Variants in EHMT2 observed in about 807,000 individuals in gnomAD.
EHMT2 encodes the protein euchromatic histone lysine methyltransferase 2, also known as histone-lysine N-methyltransferase EHMT2.
Under a neutral mutation model 143.3 loss-of-function variants are expected in EHMT2, and 59 were observed. That is an observed-to-expected ratio of 0.41 (90% CI 0.33 to 0.51). The LOEUF is 0.51. EHMT2 is among the 20% of genes least tolerant of loss of function. The pLI, the probability that EHMT2 is intolerant of heterozygous loss-of-function variation, is 0.18. For synonymous variants in EHMT2, 604 were observed against 651.5 expected (o/e 0.93, Z 1.11); for missense variants, 1,174 against 1,645.9 (o/e 0.71, Z 4.96).
chr6:31,896,093 G>A (rs971400596), intron 4 of EHMT2, 170 bp downstream of exon 4: 5 of 879,780 alleles, frequency 5.7e-6, no homozygotes, highest in African/African-American at 3.4e-5. Flanking sequence ...TGCAGGAAGA[G>A]AGGAACCTGT....
chr6:31,892,662 C>G, intron 6 of EHMT2, 32 bp downstream of exon 6: 2 of 1,613,018 alleles, frequency 1.2e-6, no homozygotes, highest in Non-Finnish European at 1.7e-6. Context: ...GAGCAGCCCC[C>G]GAGGGGTAGA....
Position 31,892,688 on chromosome 6 carries a change from G to T in EHMT2, c.708+6C>A, listed in dbSNP as rs1389184848. On this transcript the variant is annotated splice_donor_region_variant and intron_variant, in intron 6 of 27. Coordinates refer to ENST00000375537, the Ensembl canonical transcript of EHMT2. ...GAGGGGTAGAGGCTCTGCCTCTGCTGCTTACCAGGCCACCTCCTGAGTTCA... is the reference window on the plus strand; with the variant it reads ...GAGGGGTAGAGGCTCTGCCTCTGCTTCTTACCAGGCCACCTCCTGAGTTCA... 6 of 1,613,120 alleles carry T rather than the reference G, an allele frequency of 3.7e-6. No homozygotes were observed. The South Asian group carries it at 6.6e-5, about 18-fold the overall frequency.
chr6:31,890,301 G>A (rs915801637), intron 7 of EHMT2, among the ~76,000 whole-genome samples: 1 of 152,002 alleles, frequency 6.6e-6, no homozygotes, highest in African/African-American at 2.4e-5. Flanking sequence ...TTGTTGCCCA[G>A]GCTGCATTGC....
chr6:31,885,812 T>C (rs1166681884), intron 18 of EHMT2: 1 of 151,976 alleles, frequency 6.6e-6, no homozygotes, highest in African/African-American at 2.4e-5. Flanking sequence ...CAATAAACAC[T>C]CCTAGGAACA....
chr6:31,889,522 CTCCTCT>C lies in EHMT2; in HGVS notation c.939_944del (p.Glu322_Glu323del), dbSNP rs772439395. On this transcript the variant is annotated inframe_deletion, in exon 8 of 28. Transcript: ENST00000375537. This position sits in a 1 kb window ranked among gnomAD's most constrained non-coding sequence, Gnocchi z 5.1. ...CTTCCTCTTCTTCTTCCTCTTCCTC[CTCCTCT>C]TCCTCTTCTTCTTCTTCCTCCTCTT... 99 of 1,611,850 alleles carry C rather than the reference CTCCTCT, an allele frequency of 6.1e-5. No homozygotes were observed. The highest frequency in any genetic ancestry group is 7.9e-5 in the Non-Finnish European group (93 of 1,179,538).
At chr6:31,891,704 CCAGA>C (rs1021519126) in intron 7 of EHMT2, among the ~76,000 whole-genome samples, 1 of 152,126 alleles carries the variant, frequency 6.6e-6, no homozygotes, top group Admixed American at 6.5e-5. Flanking sequence ...TAAGATAAAA[CCAGA>C]CAAAGAGCAA....
chr6:31,881,272 A>C lies in EHMT2; in HGVS notation c.3198-180T>G, dbSNP rs1764069141. 3 of 653,070 alleles carry C rather than the reference A, an allele frequency of 4.6e-6. No individual in the cohort carries two copies. In the East Asian group the frequency reaches 8.1e-5, roughly 18 times the overall value. 40.5% of individuals were successfully genotyped at this position (653,070 alleles called of 1,614,324 possible). ...GAAAGGGCAGCATTCCAGCCTTGAC[A>C]GAGGAAGCCTTCAGTCAGCACAGAG... On this transcript the variant is annotated intron_variant, in intron 25 of 27. Coordinates refer to ENST00000375537, the Ensembl canonical transcript of EHMT2. This position sits in a 1 kb window ranked among gnomAD's most constrained non-coding sequence, Gnocchi z 4.8.
intron 4 of EHMT2, chr6:31,893,362 C>G (rs982595349): frequency 2.2e-6 from 1 of 449,346 alleles, no homozygotes; most frequent in East Asian, 7.1e-5. Context: ...ATTCTGTTAC[C>G]CAGGATGGAG....
At position 31,889,081 on chromosome 6, in the gene EHMT2, G is replaced by A. The variant is rs1206911046; in HGVS notation, c.1115-11C>T. 3 of 1,596,042 alleles carry A rather than the reference G, an allele frequency of 1.9e-6. No individual in the cohort carries two copies. The highest frequency in any genetic ancestry group is 1.3e-5 in the African/African-American group (1 of 74,800). Reference sequence around the variant, plus strand: ...CCACACCATTCACTCCTGACACAGAGACAGAGAGAGTGAGAGTGCGAGCTC... The same window carrying A: ...CCACACCATTCACTCCTGACACAGAAACAGAGAGAGTGAGAGTGCGAGCTC... On this transcript the variant is annotated splice_polypyrimidine_tract_variant and intron_variant, in intron 9 of 27. Transcript: ENST00000375537. The surrounding 1 kb of genome is among the most constrained non-coding windows in gnomAD (Gnocchi z 5.1).
chr6:31,880,024 G>T lies in EHMT2; in HGVS notation c.*60C>A, dbSNP rs1763890402. ...CAGGCATGGGCTGCGAGCAGCTGGT[G>T]GCAGAGGAGGCGGCTGAGCTGTGGC... On this transcript the variant is annotated 3_prime_UTR_variant, in exon 28 of 28. Transcript: ENST00000375537. The surrounding 1 kb of genome is among the most constrained non-coding windows in gnomAD (Gnocchi z 6.6). 1 of 1,568,794 alleles carries T rather than the reference G, an allele frequency of 6.4e-7. No homozygotes were observed.
At position 31,894,851 on chromosome 6, in the gene EHMT2, A is replaced by C. The variant is rs1407818516; in HGVS notation, c.582+1412T>G. Among the ~76,000 whole-genome samples, 5 of 148,280 alleles carry C rather than the reference A, an allele frequency of 3.4e-5. No individual in the cohort carries two copies. In the East Asian group the frequency reaches 1.0e-3, roughly 31 times the overall value. On this transcript the variant is annotated intron_variant, in intron 4 of 27. Coordinates refer to ENST00000375537, the Ensembl canonical transcript of EHMT2. ...TATTTTAGTTAGAGACGGGGTTTGG[A>C]CATGTTTACCAGGCTGGTCTCGAAC... is the stretch of plus-strand genomic sequence containing the variant.
In EHMT2 at chr6:31,880,499, G is replaced by T; in HGVS notation, c.3452+174C>A. ...AAGCCTACTGATTCAAAATCTCTCT[G>T]GGAGGCACAGGACTGTTTCCCCAAG... On this transcript the variant is annotated intron_variant, in intron 27 of 27. Coordinates refer to ENST00000375537, the Ensembl canonical transcript of EHMT2. The surrounding 1 kb of genome is among the most constrained non-coding windows in gnomAD (Gnocchi z 6.6). The T allele has an allele frequency of 1.2e-6, 1 of 852,372 alleles. No individual in the cohort carries two copies. The highest frequency in any genetic ancestry group is 1.8e-6 in the Non-Finnish European group (1 of 565,828). 52.8% of individuals were successfully genotyped at this position (852,372 alleles called of 1,614,324 possible). A position where few individuals can be genotyped will look rare whatever the true frequency, so the allele number is the denominator to read the frequency against.
At position 31,884,278 on chromosome 6, in the gene EHMT2, A is replaced by T; in HGVS notation, c.2771+114T>A. On this transcript the variant is annotated intron_variant, in intron 21 of 27. Transcript: ENST00000375537. This position sits in a 1 kb window ranked among gnomAD's most constrained non-coding sequence, Gnocchi z 7.3. The stretch of plus-strand genomic sequence containing the variant: ...AGGGGGCCTGTGGGTGGTTCTGGGG[A>T]TTCAGTGGTGCATGGGGAGGGGTTG... The T allele has an allele frequency of 1.6e-6, 2 of 1,235,226 alleles. No homozygotes were observed. The highest frequency in any genetic ancestry group is 2.2e-6 in the Non-Finnish European group (2 of 912,622). The allele number at this position is 1,235,226 out of a possible 1,614,324, so 76.5% of individuals were successfully genotyped here.
rs1000872135 is a variant in EHMT2 at position 31,881,515 on chromosome 6, A to G, written c.3198-423T>C. On this transcript the variant is annotated intron_variant, in intron 25 of 27. Coordinates refer to ENST00000375537, the Ensembl canonical transcript of EHMT2. The surrounding 1 kb of genome is among the most constrained non-coding windows in gnomAD (Gnocchi z 4.8). ...TGATTCGGGGCAAGAGCACCCACAC[A>G]TATCTGGACACCAGAGGGAGGAGAG... 1.1e-5 allele frequency: 3 copies of G among 261,044 alleles called. No homozygotes were observed. Among genetic ancestry groups the G allele is most frequent in the African/African-American group, 4.3e-5 (2 of 46,206 alleles). 16.2% of individuals were successfully genotyped at this position (261,044 alleles called of 1,614,324 possible). A position where few individuals can be genotyped will look rare whatever the true frequency, so the allele number is the denominator to read the frequency against.
Position 31,883,805 on chromosome 6 carries a change from C to T in EHMT2, c.2916+1G>A. ...GGGGAGGCCCCGGGCCCCCTACTCA[C>T]CTGCAGGTGGGTGATGTTGCGATCG... is the stretch of plus-strand genomic sequence containing the variant. On this transcript the variant is annotated splice_donor_variant, in intron 22 of 27. Coordinates refer to ENST00000375537, the Ensembl canonical transcript of EHMT2. LOFTEE classifies it high-confidence loss of function. The surrounding 1 kb of genome is among the most constrained non-coding windows in gnomAD (Gnocchi z 5.6). The T allele has an allele frequency of 6.2e-7, 1 of 1,613,682 alleles. No homozygotes were observed. Among genetic ancestry groups the T allele is most frequent in the Non-Finnish European group, 8.5e-7 (1 of 1,179,824 alleles).
rs1327034468 is a variant in EHMT2 at position 31,884,512 on chromosome 6, C to T, written c.2651G>A (p.Gly884Glu). The T allele has an allele frequency of 6.2e-7, 1 of 1,612,956 alleles. No homozygotes were observed. Among genetic ancestry groups the T allele is most frequent in the South Asian group, 1.1e-5 (1 of 91,076 alleles). ...GGGAGTCAGGTCCCATGCTGTGTCC[C>T]CCTCTTTGTTCCGCAGCTCAGGGTT... is the stretch of plus-strand genomic sequence containing the variant. The change falls in exon 21 of 28, where the codon GGG (glycine) becomes GAG (glutamate). Residue 884 changes from glycine (G) to glutamate (E), a missense_variant. Physicochemically the swap from Gly to Glu is moderately conservative, Grantham distance 98. Transcript: ENST00000375537. The surrounding 1 kb of genome is among the most constrained non-coding windows in gnomAD (Gnocchi z 7.3).
At chr6:31,892,196 C>T (rs1352016089) in intron 7 of EHMT2, among the ~76,000 whole-genome samples, 4 of 152,254 alleles carry the variant, frequency 2.6e-5, no homozygotes, top group South Asian at 2.1e-4. Flanking sequence ...GAGCCCAGAT[C>T]GTGATATTGC....
chr6:31,884,504 C>T lies in EHMT2; in HGVS notation c.2659G>A (p.Ala887Thr). 1 of 1,612,968 alleles carries T rather than the reference C, an allele frequency of 6.2e-7. No individual in the cohort carries two copies. The highest frequency in any genetic ancestry group is 8.5e-7 in the Non-Finnish European group (1 of 1,180,010). ...GAGCGCTCGGGAGTCAGGTCCCATG[C>T]TGTGTCCCCCTCTTTGTTCCGCAGC... The change falls in exon 21 of 28, where the codon GCA becomes ACA. Residue 887 changes from alanine (A) to threonine (T), a missense_variant. Ala to Thr is a moderately conservative substitution (Grantham distance 58). Coordinates refer to ENST00000375537, the Ensembl canonical transcript of EHMT2. This position sits in a 1 kb window ranked among gnomAD's most constrained non-coding sequence, Gnocchi z 7.3.
Position 31,884,697 on chromosome 6 carries a change from C to T in EHMT2, c.2551G>A (p.Gly851Arg). The change falls in exon 20 of 28, where the codon GGG becomes AGG. Residue 851 changes from glycine (G) to arginine (R), a missense_variant. Physicochemically the swap from Gly to Arg is moderately radical, Grantham distance 125. This residue lies in a region of EHMT2 where 608 missense variants were observed against 903.7 expected (regional missense o/e 0.67). Transcript: ENST00000375537. This position sits in a 1 kb window ranked among gnomAD's most constrained non-coding sequence, Gnocchi z 7.3. Reference sequence around the variant, plus strand: ...GCTGCGATGTGCAGGGGGGTGTCCCCATGGTAGTTGACAGCATGGAGGTCA... The same window carrying T: ...GCTGCGATGTGCAGGGGGGTGTCCCTATGGTAGTTGACAGCATGGAGGTCA... 1 of 1,587,404 alleles carries T rather than the reference C, an allele frequency of 6.3e-7. No individual in the cohort carries two copies. Among genetic ancestry groups the T allele is most frequent in the Non-Finnish European group, 8.6e-7 (1 of 1,164,490 alleles).
Sources: gnomAD v4.1 joint callset for allele counts (sites outside exome capture counted in the v4.1 genomes callset) on GRCh38, gnomAD v4.1.1 for gene constraint, gnomAD v4.1.1 regional missense constraint, Gnocchi (gnomAD v3.1) non-coding constraint, MANE v1.5 for transcripts, NCBI Gene and HGNC (gene_info 2026-07-23, HGNC 2026-07-21) for gene names.